The following THSD7A variants were observed in gnomAD, a reference collection of about 807,000 sequenced individuals.
The protein encoded by THSD7A is thrombospondin type-1 domain-containing protein 7A.
A neutral mutation model predicts 231.3 loss-of-function variants in THSD7A; 96 were observed. The ratio of observed to expected loss-of-function variants is 0.41; its 90% CI spans 0.35 to 0.49. The LOEUF is 0.49. THSD7A is among the 20% of genes least tolerant of loss of function. The pLI is 0.05. For missense variants in THSD7A, 2,290 were observed against 2,070.2 expected (o/e 1.11, Z -2.06); for synonymous variants, 940 against 743.3 (o/e 1.26, Z -4.30).
chr7:11,648,637 C>CGTGTGT lies in THSD7A; in HGVS notation c.191-11682_191-11677dup, dbSNP rs3031455. 5.3e-3 allele frequency among the ~76,000 whole-genome samples: 754 copies of CGTGTGT among 141,126 alleles called. 7 individuals carry two copies. Among genetic ancestry groups the CGTGTGT allele is most frequent in the African/African-American group, 0.017 (649 of 37,872 alleles). 92.6% of individuals were successfully genotyped at this position (141,126 alleles called of 152,430 possible). A position where few individuals can be genotyped will look rare whatever the true frequency, so the allele number is the denominator to read the frequency against. ...TAGCTTGTCAGGATCTATTTTGTGGCGTGTGTGTGTGTGTGTGTGTGTGTG... is the reference window on the plus strand; with the variant it reads ...TAGCTTGTCAGGATCTATTTTGTGGCGTGTGTGTGTGTGTGTGTGTGTGTGTGTGTG... On this transcript the variant is annotated intron_variant, in intron 1 of 27. Transcript: ENST00000423059.
At chr7:11,633,807 A>G (rs993721304) in intron 2 of THSD7A, among the ~76,000 whole-genome samples, 3 of 152,176 alleles carry the variant, frequency 2.0e-5, no homozygotes, top group Non-Finnish European at 4.4e-5. Flanking sequence ...ATTTTTGTCT[A>G]TGATCTGCCT....
intron 1 of THSD7A, among the ~76,000 whole-genome samples, chr7:11,684,561 A>G (rs777048923): frequency 1.6e-4 from 24 of 152,110 alleles, no homozygotes; most frequent in Non-Finnish European, 2.9e-4. Context: ...ATCAATGTAC[A>G]AAATTAGTAA....
rs552487051 is a variant in THSD7A, at chr7:11,446,630, T to G, written c.2801-306A>C. Among the ~76,000 whole-genome samples the G allele has an allele frequency of 1.3e-5, 2 of 152,238 alleles. No homozygotes were observed. Among genetic ancestry groups the G allele is most frequent in the East Asian group, 3.9e-4 (2 of 5,164 alleles). On this transcript the variant is annotated intron_variant, in intron 12 of 27. Transcript: ENST00000423059. The surrounding 1 kb of genome is among the most constrained non-coding windows in gnomAD (Gnocchi z 4.0). ...CCTTCATAGGCTGTGTTATATAGTT[T>G]CGACAGTCTTCATTACATAGGTGGT...
At chr7:11,529,356 G>A (rs546045582) in intron 6 of THSD7A, among the ~76,000 whole-genome samples, 2 of 152,238 alleles carry the variant, frequency 1.3e-5, no homozygotes, top group African/African-American at 4.8e-5. Flanking sequence ...TCTGATGAGT[G>A]TGTTATGAAA....
At chr7:11,741,007 T>C (rs1332415926) in intron 1 of THSD7A, among the ~76,000 whole-genome samples, 1 of 151,962 alleles carries the variant, frequency 6.6e-6, no homozygotes, top group Admixed American at 6.6e-5. Context: ...GGTGATCATA[T>C]AAATTATTTT....
chr7:11,382,763 G>GC, intron 23 of THSD7A, 147 bp from the exon 24 acceptor site: 1 of 692,326 alleles, frequency 1.4e-6, no homozygotes, highest in Middle Eastern at 2.6e-4. Flanking sequence ...AAGTTGCCAT[G>GC]CATATGTTTA....
intron 1 of THSD7A, among the ~76,000 whole-genome samples, chr7:11,746,296 C>T (rs908294496): frequency 2.0e-5 from 3 of 151,806 alleles, no homozygotes; most frequent in Non-Finnish European, 4.4e-5. Context: ...TTTAGCAAAA[C>T]TAAGAAATTG....
intron 2 of THSD7A, among the ~76,000 whole-genome samples, chr7:11,616,742 C>T (rs1054774597): frequency 6.6e-6 from 1 of 152,044 alleles, no homozygotes; most frequent in Non-Finnish European, 1.5e-5. Context: ...AGAAGTCTAG[C>T]TCTTTTGTTG....
Position 11,593,238 on chromosome 7 carries a change from T to G in THSD7A, c.1271+16A>C, listed in dbSNP as rs374400825. 17 of 1,613,124 alleles carry G rather than the reference T, an allele frequency of 1.1e-5. No homozygotes were observed. In the African/African-American group the frequency reaches 2.1e-4, roughly 20 times the overall value. ...TGTAGTTTCGGCAGACGCTATACCC[T>G]TCTTTATTTACTCACGTGGCACAGG... On this transcript the variant is annotated intron_variant, in intron 3 of 27. Transcript: ENST00000423059.
chr7:11,591,309 A>C (rs1780155559), intron 3 of THSD7A, among the ~76,000 whole-genome samples: 1 of 152,142 alleles, frequency 6.6e-6, no homozygotes, highest in Admixed American at 6.5e-5. Flanking sequence ...GAAAAATGTC[A>C]GGGGATTGTC....
intron 25 of THSD7A, 153 bp downstream of exon 25, chr7:11,379,477 G>T (rs2285757): frequency 0.25 from 221,848 of 882,248 alleles, 31,746 homozygotes; most frequent in African/African-American, 0.56. Context: ...AGCAAGTGAA[G>T]TCAGGACTTT....
chr7:11,617,266 A>G (rs982290431), intron 2 of THSD7A, among the ~76,000 whole-genome samples: 1 of 152,216 alleles, frequency 6.6e-6, no homozygotes, highest in African/African-American at 2.4e-5. Context: ...ACATGCATAC[A>G]CATTTTAAAG....
intron 6 of THSD7A, among the ~76,000 whole-genome samples, chr7:11,493,407 T>C (rs1323481904): frequency 6.6e-6 from 1 of 152,074 alleles, no homozygotes; most frequent in Non-Finnish European, 1.5e-5. Flanking sequence ...TCAAACCTGA[T>C]GGGAAGTTTC....
chr7:11,570,108 C>A (rs1205429004), intron 4 of THSD7A, among the ~76,000 whole-genome samples: 2 of 151,854 alleles, frequency 1.3e-5, no homozygotes, highest in Admixed American at 1.3e-4. Flanking sequence ...GAGGTTGAGG[C>A]TACAGTGAGC....
intron 1 of THSD7A, among the ~76,000 whole-genome samples, chr7:11,657,687 G>T (rs775137818): frequency 1.3e-5 from 2 of 151,672 alleles, no homozygotes; most frequent in Non-Finnish European, 2.9e-5. Context: ...ATTTCTCTAC[G>T]AGTTTAAACC....
At chr7:11,713,454 T>C (rs1342663454) in intron 1 of THSD7A, among the ~76,000 whole-genome samples, 1 of 151,250 alleles carries the variant, frequency 6.6e-6, no homozygotes, top group African/African-American at 2.4e-5. Context: ...TGCTCATGCA[T>C]GCTCTGAGAA....
chr7:11,413,642 C>G (rs1783862834), intron 17 of THSD7A, among the ~76,000 whole-genome samples: 1 of 152,116 alleles, frequency 6.6e-6, no homozygotes, highest in Non-Finnish European at 1.5e-5. Context: ...TTCCCCAAAC[C>G]CAAGTGCCTT....
Position 11,831,709 on chromosome 7 carries a change from G to A in THSD7A, c.190+48C>T, listed in dbSNP as rs201430750. On this transcript the variant is annotated intron_variant, in intron 1 of 27. Coordinates refer to ENST00000423059, the MANE Select transcript of THSD7A (RefSeq NM_015204.3). This position sits in a 1 kb window ranked among gnomAD's most constrained non-coding sequence, Gnocchi z 5.0. ...TACAGAAGCCCACCAGCTCCTTAATGTGGCCCCAGATGTGAAGATGGGGAA... is the reference window on the plus strand; with the variant it reads ...TACAGAAGCCCACCAGCTCCTTAATATGGCCCCAGATGTGAAGATGGGGAA... The A allele has an allele frequency of 8.4e-6, 11 of 1,310,200 alleles. No homozygotes were observed. Among genetic ancestry groups the A allele is most frequent in the Middle Eastern group, 3.0e-4 (1 of 3,334 alleles). 81.2% of individuals were successfully genotyped at this position (1,310,200 alleles called of 1,614,324 possible). A position where few individuals can be genotyped will look rare whatever the true frequency, so the allele number is the denominator to read the frequency against.
chr7:11,714,349 G>C (rs1205191995), intron 1 of THSD7A, among the ~76,000 whole-genome samples: 1 of 151,130 alleles, frequency 6.6e-6, no homozygotes, highest in Non-Finnish European at 1.5e-5. Context: ...AAATTTTAAA[G>C]TGTGTGCTCT....
Sources: allele counts gnomAD v4.1 joint callset (sites outside exome capture counted in the v4.1 genomes callset), GRCh38; gene constraint gnomAD v4.1.1; non-coding constraint Gnocchi (gnomAD v3.1); transcripts MANE v1.5; gene names NCBI Gene and HGNC (gene_info 2026-07-23, HGNC 2026-07-21).